CACNA1E: variants seen among roughly 807,000 people sequenced by gnomAD.
CACNA1E encodes calcium voltage-gated channel subunit alpha1 E, also known as voltage-dependent R-type calcium channel subunit alpha-1E.
Under a neutral mutation model 259.2 loss-of-function variants are expected in CACNA1E, and 40 were observed. That is an observed-to-expected ratio of 0.15 (90% CI 0.12 to 0.20). CACNA1E has a LOEUF of 0.20. Among genes scored for constraint, CACNA1E ranks in the 10% least tolerant of loss-of-function variants. The probability of loss-of-function intolerance (pLI) is 1.00; values close to 1 mark genes in which losing one functional copy is unlikely to be tolerated. For synonymous variants in CACNA1E, 1,104 were observed against 1,138.5 expected (o/e 0.97, Z 0.61); for missense variants, 1,874 against 3,040.1 (o/e 0.62, Z 9.02).
rs1252612032 is a variant in CACNA1E, at chr1:181,715,327, T to C, written c.1172-11T>C. 1.3e-6 allele frequency: 2 copies of C among 1,563,518 alleles called. No homozygotes were observed. The highest frequency in any genetic ancestry group is 1.3e-5 in the African/African-American group (1 of 74,178). On this transcript the variant is annotated splice_polypyrimidine_tract_variant and intron_variant, in intron 8 of 47. Coordinates refer to ENST00000367573, the MANE Select transcript of CACNA1E (RefSeq NM_001205293.3). ...TACAGATAATTTACCAAACCATTTG[T>C]TTCCATATAGAGGAAGTCATGCTCG...
Position 181,654,982 on chromosome 1 carries a change from CAA to C in CACNA1E, c.1055+3561_1055+3562del, listed in dbSNP as rs1208750325. Among the ~76,000 whole-genome samples, 162 of 53,400 alleles carry C rather than the reference CAA, an allele frequency of 3.0e-3. 1 individual carries two copies. Among genetic ancestry groups the C allele is most frequent in the Middle Eastern group, 0.01 (1 of 96 alleles). The allele number at this position is 53,400 out of a possible 152,430, so 35.0% of individuals were successfully genotyped here. ...CCTGGGCGACAGCGAGACTCCATCT[CAA>C]AAAAAAAAAAAAAAAAAAAGAAACA... On this transcript the variant is annotated intron_variant, in intron 7 of 47. Transcript: ENST00000367573.
rs548809284 is a variant in CACNA1E, at chr1:181,576,014, C to T, written c.513-1752C>T. ...CTTATTAGAAATTATATGACCCCCT[C>T]CTTAATGTCTTTCCTTGGCCTTGGA... On this transcript the variant is annotated intron_variant, in intron 3 of 47. Transcript: ENST00000367573. Among the ~76,000 whole-genome samples the T allele has an allele frequency of 4.6e-5, 7 of 152,280 alleles. No homozygotes were observed. In the East Asian group the frequency reaches 1.2e-3, roughly 25 times the overall value.
At chr1:181,693,663 A>G (rs1182354685) in intron 7 of CACNA1E, among the ~76,000 whole-genome samples, 2 of 152,098 alleles carry the variant, frequency 1.3e-5, no homozygotes, top group African/African-American at 4.8e-5. Flanking sequence ...TGGAGGTGGT[A>G]GAGGGTTGAA....
chr1:181,719,971 C>G, intron 13 of CACNA1E, 108 bp downstream of exon 13: 13 of 763,736 alleles, frequency 1.7e-5, no homozygotes, highest in Non-Finnish European at 2.5e-5. Context: ...GAAAGTATCC[C>G]TTCCCTGCCC....
intron 1 of CACNA1E, among the ~76,000 whole-genome samples, chr1:181,346,965 G>A (rs1235244295): frequency 2.0e-5 from 3 of 152,204 alleles, no homozygotes; most frequent in Non-Finnish European, 2.9e-5. Context: ...AAAACTTCCT[G>A]AGAGCAGAGC....
At position 181,460,324 on chromosome 1, in the gene CACNA1E, T is replaced by C. The variant is rs147750433; in HGVS notation, c.435-23420T>C. Reference sequence around the variant, plus strand: ...CTACTATCACAGTTCAGGGGAGAGATGGATGATGGCATGAACCAGAGTGGG... The same window carrying C: ...CTACTATCACAGTTCAGGGGAGAGACGGATGATGGCATGAACCAGAGTGGG... On this transcript the variant is annotated intron_variant, in intron 2 of 11. Transcript: ENST00000524607. 3.3e-3 allele frequency among the ~76,000 whole-genome samples: 509 copies of C among 152,088 alleles called. 1 individual carries two copies. Among genetic ancestry groups the C allele is most frequent in the Middle Eastern group, 6.8e-3 (2 of 294 alleles).
intron 1 of CACNA1E, among the ~76,000 whole-genome samples, chr1:181,324,303 G>A (rs34690291): frequency 0.043 from 6,567 of 152,296 alleles, 207 homozygotes; most frequent in Non-Finnish European, 0.064. Flanking sequence ...TTAATAGAGG[G>A]TGATGTGGCA....
At chr1:181,391,988 A>G (rs1241972379) in intron 1 of CACNA1E, among the ~76,000 whole-genome samples, 1 of 144,326 alleles carries the variant, frequency 6.9e-6, no homozygotes, top group Non-Finnish European at 1.5e-5. Context: ...TGTTTAGTGG[A>G]AGGACAGACC....
intron 1 of CACNA1E, among the ~76,000 whole-genome samples, chr1:181,341,934 A>G (rs572669759): frequency 6.6e-5 from 10 of 152,334 alleles, no homozygotes; most frequent in East Asian, 1.9e-4. Context: ...GAGATAAACA[A>G]CAAGCAAGTA....
rs1661655002 is a variant in CACNA1E at position 181,794,889 on chromosome 1, G to A, written c.6053G>A (p.Arg2018Lys). The A allele has an allele frequency of 6.2e-7, 1 of 1,613,510 alleles. No individual in the cohort carries two copies. The highest frequency in any genetic ancestry group is 8.5e-7 in the Non-Finnish European group (1 of 1,179,678). ...PQVVTDPSSM[R>K]RSFSTIRDKR... ...GTGGTGACAGACCCTAGCTCCATGAGACGTTCATTTTCCACTATTCGGGAT... is the reference window on the plus strand; with the variant it reads ...GTGGTGACAGACCCTAGCTCCATGAAACGTTCATTTTCCACTATTCGGGAT... Residue 2018 changes from arginine to lysine, a missense_variant, in exon 46 of 48, where the codon AGA becomes AAA. Arg to Lys is a conservative substitution (Grantham distance 26). Transcript: ENST00000367573.
At chr1:181,637,406 TCCTC>T (rs146190327) in intron 6 of CACNA1E, among the ~76,000 whole-genome samples, 4,069 of 147,078 alleles carry the variant, frequency 0.028, 172 homozygotes, top group African/African-American at 0.093. Flanking sequence ...TCTAATCCCT[TCCTC>T]CCTCCCTCCC....
chr1:181,648,292 G>A (rs1255456058), intron 6 of CACNA1E, among the ~76,000 whole-genome samples: 1 of 152,158 alleles, frequency 6.6e-6, no homozygotes, highest in African/African-American at 2.4e-5. Flanking sequence ...GACAGTTAAG[G>A]TTTCTGCCTG....
chr1:181,454,354 A>G (rs1368967524), intron 2 of CACNA1E, among the ~76,000 whole-genome samples: 2 of 152,242 alleles, frequency 1.3e-5, no homozygotes, highest in Non-Finnish European at 2.9e-5. Flanking sequence ...AAACACTGAT[A>G]AAATGGAAGT....
chr1:181,633,410 A>G (rs956306445), intron 6 of CACNA1E, among the ~76,000 whole-genome samples: 2 of 152,144 alleles, frequency 1.3e-5, no homozygotes, highest in Non-Finnish European at 2.9e-5. Flanking sequence ...TGAGGCAGTT[A>G]AGGGGCAGAG....
intron 1 of CACNA1E, among the ~76,000 whole-genome samples, chr1:181,380,687 T>G (rs1031416002): frequency 6.6e-6 from 1 of 152,130 alleles, no homozygotes; most frequent in African/African-American, 2.4e-5. Context: ...AAATTAAAAA[T>G]ACTGATGGTA....
chr1:181,546,934 C>T (rs1014461182), intron 3 of CACNA1E, among the ~76,000 whole-genome samples: 1 of 152,124 alleles, frequency 6.6e-6, no homozygotes, highest in Non-Finnish European at 1.5e-5. Flanking sequence ...TTAAATCAAG[C>T]GATCTGTTCT....
chr1:181,769,017 G>A (rs956619755), intron 35 of CACNA1E, among the ~76,000 whole-genome samples: 3 of 152,240 alleles, frequency 2.0e-5, no homozygotes, highest in Non-Finnish European at 2.9e-5. Context: ...AAGTTCGAAA[G>A]GAGGAGTAAC....
intron 35 of CACNA1E, among the ~76,000 whole-genome samples, chr1:181,769,939 T>A (rs563817811): frequency 2.4e-4 from 36 of 152,276 alleles, no homozygotes; most frequent in African/African-American, 8.4e-4. Context: ...ATTTGTCTCT[T>A]TGGGGCCCTC....
intron 6 of CACNA1E, among the ~76,000 whole-genome samples, chr1:181,597,919 C>T (rs1439924943): frequency 6.6e-6 from 1 of 152,192 alleles, no homozygotes; most frequent in African/African-American, 2.4e-5. Context: ...TCACCTCCCA[C>T]CGGCTTCCTC....
Sources: gnomAD v4.1 joint callset for allele counts (sites outside exome capture counted in the v4.1 genomes callset) on GRCh38, gnomAD v4.1.1 for gene constraint, MANE v1.5 for transcripts, NCBI Gene and HGNC (gene_info 2026-07-23, HGNC 2026-07-21) for gene names.